Variants in XKR9 observed in about 807,000 individuals in gnomAD.
XKR9 encodes XK-related protein 9.
In XKR9, 32 loss-of-function variants were observed where a neutral mutation model predicts 32.0. The ratio of observed to expected loss-of-function variants is 1.00; its 90% CI spans 0.76 to 1.34. XKR9 has a LOEUF of 1.34. Among genes scored for constraint, XKR9 ranks in the 40% most tolerant of loss-of-function variants. The pLI, the probability that XKR9 is intolerant of heterozygous loss-of-function variation, is 0.00. For synonymous variants in XKR9, 168 were observed against 143.4 expected, an observed-to-expected ratio of 1.17 and a Z score of -1.22; for missense variants, 546 against 429.7, an observed-to-expected ratio of 1.27 and a Z score of -2.39.
chr8:70,710,892 G>C (rs1482491915), intron 4 of XKR9, among the ~76,000 whole-genome samples: 1 of 152,046 alleles, frequency 6.6e-6, no homozygotes, highest in Non-Finnish European at 1.5e-5. Context: ...ATCCAGCAGA[G>C]GTCAAAATCT....
At chr8:70,840,958 G>A in the XKR9 span, among the ~76,000 whole-genome samples, 1 of 152,112 alleles carries the variant, frequency 6.6e-6, no homozygotes, top group Non-Finnish European at 1.5e-5. Context: ...TAAAAATTTT[G>A]AGTCTAAATT....
chr8:70,864,248 TAAAAGGA>T, the XKR9 span, among the ~76,000 whole-genome samples: 2 of 152,326 alleles, frequency 1.3e-5, no homozygotes, highest in African/African-American at 2.4e-5. Flanking sequence ...GCTTGGAGTT[TAAAAGGA>T]AAAAGGAAAA....
the XKR9 span, among the ~76,000 whole-genome samples, chr8:70,959,532 T>A: frequency 3.7e-4 from 57 of 152,330 alleles, no homozygotes; most frequent in African/African-American, 1.3e-3. Flanking sequence ...AATATCCCTA[T>A]ACATATGTTT....
the XKR9 span, among the ~76,000 whole-genome samples, chr8:70,958,732 C>A: frequency 1.3e-5 from 2 of 152,096 alleles, no homozygotes; most frequent in Non-Finnish European, 2.9e-5. Context: ...GCTTTTGTTG[C>A]AATTGCCTGT....
At chr8:70,981,547 G>T in the XKR9 span, among the ~76,000 whole-genome samples, 2 of 151,840 alleles carry the variant, frequency 1.3e-5, no homozygotes, top group Non-Finnish European at 1.5e-5. Flanking sequence ...TTCATATTCT[G>T]TATCATGTTT....
chr8:71,064,894 C>G, the XKR9 span, among the ~76,000 whole-genome samples: 1 of 152,104 alleles, frequency 6.6e-6, no homozygotes, highest in African/African-American at 2.4e-5. Flanking sequence ...GTTATAAAGA[C>G]AGCTATTAAA....
the XKR9 span, among the ~76,000 whole-genome samples, chr8:70,932,123 C>G: frequency 6.6e-6 from 1 of 151,952 alleles, no homozygotes; most frequent in East Asian, 1.9e-4. Flanking sequence ...TAGACATGGT[C>G]TCTTCCCATG....
At chr8:70,798,642 A>G in the XKR9 span, among the ~76,000 whole-genome samples, 1 of 152,148 alleles carries the variant, frequency 6.6e-6, no homozygotes, top group Admixed American at 6.5e-5. Flanking sequence ...TATGTCTGGA[A>G]TGGTATTTCC....
the XKR9 span, among the ~76,000 whole-genome samples, chr8:70,849,083 G>T: frequency 3.9e-5 from 6 of 152,242 alleles, no homozygotes; most frequent in East Asian, 1.2e-3. Context: ...ACTCAGCTCT[G>T]CACCAAGTGG....
chr8:71,057,238 T>G, the XKR9 span, among the ~76,000 whole-genome samples: 6 of 152,166 alleles, frequency 3.9e-5, no homozygotes, highest in African/African-American at 7.2e-5. Flanking sequence ...AAATGTCACT[T>G]TCTGAAGGTG....
chr8:70,817,551 C>G, the XKR9 span, among the ~76,000 whole-genome samples: 4 of 152,032 alleles, frequency 2.6e-5, no homozygotes, highest in Non-Finnish European at 5.9e-5. Context: ...ACCCTGCTAC[C>G]CAAAGCAATC....
At chr8:70,695,339 C>T in intron 3 of XKR9, among the ~76,000 whole-genome samples, 1 of 96,750 alleles carries the variant, frequency 1.0e-5, no homozygotes, top group Non-Finnish European at 2.2e-5. Context: ...CCCGCCACCC[C>T]ACAACAGTCC....
At chr8:70,974,269 T>A in the XKR9 span, among the ~76,000 whole-genome samples, 1 of 152,042 alleles carries the variant, frequency 6.6e-6, no homozygotes, top group African/African-American at 2.4e-5. Context: ...TACTTTTAGG[T>A]TCTAGGGTAC....
chr8:70,715,105 G>T (rs774860318), intron 4 of XKR9, among the ~76,000 whole-genome samples: 3 of 152,024 alleles, frequency 2.0e-5, no homozygotes, highest in Non-Finnish European at 4.4e-5. Context: ...GGAATAAAAG[G>T]GCTGTTGACA....
At chr8:70,726,506 G>T (rs1806474778) in intron 4 of XKR9, among the ~76,000 whole-genome samples, 1 of 152,128 alleles carries the variant, frequency 6.6e-6, no homozygotes, top group Non-Finnish European at 1.5e-5. Context: ...ATTAGCTGCA[G>T]GTAAGAATAG....
chr8:70,739,619 C>G (rs1386018068), downstream of XKR9, among the ~76,000 whole-genome samples: 1 of 152,044 alleles, frequency 6.6e-6, no homozygotes, highest in African/African-American at 2.4e-5. Context: ...TTGTTCCTTT[C>G]CATGTTTAGT....
the XKR9 span, among the ~76,000 whole-genome samples, chr8:71,001,855 A>G: frequency 6.6e-6 from 1 of 152,220 alleles, no homozygotes; most frequent in Non-Finnish European, 1.5e-5. Flanking sequence ...GGACTTCTAG[A>G]TAAAGTTGAA....
At chr8:70,737,609 C>CT (rs1806888457), downstream of XKR9, among the ~76,000 whole-genome samples, 1 of 103,114 alleles carries the variant, frequency 9.7e-6, no homozygotes, top group African/African-American at 3.1e-5. Flanking sequence ...GTGGGTTTGT[C>CT]ATAGATAGCT....
chr8:70,974,539 A>G, the XKR9 span, among the ~76,000 whole-genome samples: 2 of 152,172 alleles, frequency 1.3e-5, no homozygotes. Flanking sequence ...GATGGTTGCC[A>G]GCTTCGTCCA....
Sources: gnomAD v4.1 joint callset for allele counts (sites outside exome capture counted in the v4.1 genomes callset) on GRCh38, gnomAD v4.1.1 for gene constraint, MANE v1.5 for transcripts, NCBI Gene and HGNC (gene_info 2026-07-23, HGNC 2026-07-21) for gene names.